The following LRRC7 variants were observed in gnomAD, a reference collection of about 807,000 sequenced individuals.
LRRC7 encodes the protein leucine rich repeat containing 7.
A neutral mutation model predicts 175.7 loss-of-function variants in LRRC7; 23 were observed. That is an observed-to-expected ratio of 0.13 (90% confidence interval 0.09 to 0.19). The LOEUF (loss-of-function observed/expected upper bound fraction) is 0.19, where lower values mean the gene tolerates loss of function less well. LRRC7 is among the 10% of genes least tolerant of loss of function. The pLI is 1.00. For synonymous variants in LRRC7, 685 were observed against 680.9 expected (o/e 1.01, Z -0.09); for missense variants, 1,354 against 1,904.7 (o/e 0.71, Z 5.38).
Position 70,023,336 on chromosome 1 carries a change from G to A in LRRC7, c.1756G>A (p.Ala586Thr). 6.2e-7 allele frequency: 1 copy of A among 1,610,928 alleles called. No individual in the cohort carries two copies. ...CATGTGTACTCCATTGCCAGTTGCA[G>A]CACAATCCACCACTCTTCCCTCTCT... ...RSMCTPLPVA[A>T]QSTTLPSLSG... Residue 586 changes from alanine to threonine, a missense_variant, in exon 17 of 27, where the codon GCA (alanine) becomes ACA (threonine). Physicochemically the swap from Ala to Thr is moderately conservative, Grantham distance 58. This residue lies in a region of LRRC7 where 1,032 missense variants were observed against 1,227.2 expected (regional missense o/e 0.84). Transcript: ENST00000651989.
rs554659533 is a variant in LRRC7 at position 70,075,950 on chromosome 1, T to G, written c.4231-127T>G. 5.2e-4 allele frequency: 464 copies of G among 893,206 alleles called. 13 individuals are homozygous for G. The highest frequency in any genetic ancestry group is 4.4e-3 in the South Asian group (265 of 60,030). 55.3% of individuals were successfully genotyped at this position (893,206 alleles called of 1,614,324 possible). On this transcript the variant is annotated intron_variant, in intron 23 of 26. Transcript: ENST00000651989. ...GACCCTTACTGTTTCTTCATTATCC[T>G]TTCTGGCCATGGCTGAGAGCCCAAA...
intron 8 of LRRC7, among the ~76,000 whole-genome samples, chr1:69,940,243 A>C (rs1221871403): frequency 6.6e-6 from 1 of 152,128 alleles, no homozygotes; most frequent in Non-Finnish European, 1.5e-5. Context: ...AGCAGACTCC[A>C]CTGTCATACA....
intron 18 of LRRC7, among the ~76,000 whole-genome samples, chr1:70,034,233 C>T (rs1490035223): frequency 6.6e-6 from 1 of 152,058 alleles, no homozygotes; most frequent in South Asian, 2.1e-4. Flanking sequence ...CCTTCTGTCA[C>T]CTTAAAACTG....
At chr1:69,659,103 T>G (rs1364643123) in intron 1 of LRRC7, among the ~76,000 whole-genome samples, 1 of 151,966 alleles carries the variant, frequency 6.6e-6, no homozygotes, top group East Asian at 1.9e-4. Context: ...GGAGGCAGGT[T>G]GGGAAATAAA....
In LRRC7 at chr1:69,782,037, G is replaced by A. The variant is rs943216831; in HGVS notation, c.304-10006G>A. Among the ~76,000 whole-genome samples, 5 of 152,112 alleles carry A rather than the reference G, an allele frequency of 3.3e-5. No homozygotes were observed. In the East Asian group the frequency reaches 9.7e-4, roughly 29 times the overall value. ...TGAATCTTAGCTCTGGCACTTGCTAGCAATATGACCTTGTAAAAGTTACCT... is the reference window on the plus strand; with the variant it reads ...TGAATCTTAGCTCTGGCACTTGCTAACAATATGACCTTGTAAAAGTTACCT... On this transcript the variant is annotated intron_variant, in intron 3 of 26. Coordinates refer to ENST00000651989, the MANE Select transcript of LRRC7 (RefSeq NM_001370785.2).
At chr1:69,772,965 G>T (rs1293924543) in intron 3 of LRRC7, among the ~76,000 whole-genome samples, 1 of 152,184 alleles carries the variant, frequency 6.6e-6, no homozygotes, top group Non-Finnish European at 1.5e-5. Context: ...TACGGAAGTC[G>T]TTGGTTACCT....
intron 8 of LRRC7, among the ~76,000 whole-genome samples, chr1:69,979,819 C>T (rs539117458): frequency 4.8e-4 from 73 of 151,712 alleles, no homozygotes; most frequent in Non-Finnish European, 8.8e-4. Flanking sequence ...TAGGTTGGTG[C>T]AAACATAATT....
intron 23 of LRRC7, among the ~76,000 whole-genome samples, chr1:70,071,146 G>T (rs542908177): frequency 1.3e-5 from 2 of 152,176 alleles, no homozygotes; most frequent in Non-Finnish European, 2.9e-5. Flanking sequence ...TTGTTAGACA[G>T]CATCTTTCCT....
At chr1:69,936,490 A>C (rs1284611357) in intron 8 of LRRC7, among the ~76,000 whole-genome samples, 3 of 152,178 alleles carry the variant, frequency 2.0e-5, no homozygotes, top group Non-Finnish European at 2.9e-5. Context: ...TAAGTACATT[A>C]TTTTTAAATT....
chr1:69,641,636 A>T (rs1335625751), intron 1 of LRRC7, among the ~76,000 whole-genome samples: 1 of 151,666 alleles, frequency 6.6e-6, no homozygotes, highest in African/African-American at 2.4e-5. Context: ...TACCACCTTT[A>T]ACCAAAATAA....
At chr1:69,940,893 C>A (rs1178288056) in intron 8 of LRRC7, among the ~76,000 whole-genome samples, 2 of 151,832 alleles carry the variant, frequency 1.3e-5, no homozygotes. Flanking sequence ...TCAGGTTTCA[C>A]AACAAACCAA....
chr1:70,049,106 A>G (rs1214864315), intron 22 of LRRC7, among the ~76,000 whole-genome samples: 1 of 152,164 alleles, frequency 6.6e-6, no homozygotes, highest in East Asian at 1.9e-4. Flanking sequence ...TAAATTAATT[A>G]TAATTTCAGG....
At chr1:69,708,947 T>A (rs954840067) in intron 2 of LRRC7, among the ~76,000 whole-genome samples, 2 of 152,160 alleles carry the variant, frequency 1.3e-5, no homozygotes, top group Admixed American at 6.5e-5. Flanking sequence ...CCAACCAACA[T>A]CACTGGTATA....
chr1:69,596,387 T>C (rs1646846224), intron 1 of LRRC7, among the ~76,000 whole-genome samples: 1 of 152,168 alleles, frequency 6.6e-6, no homozygotes, highest in South Asian at 2.1e-4. Flanking sequence ...CATAATGTAA[T>C]GTCCCTGTGC....
chr1:69,888,926 AT>A (rs563469408), intron 7 of LRRC7, among the ~76,000 whole-genome samples: 233 of 152,302 alleles, frequency 1.5e-3, no homozygotes, highest in African/African-American at 5.3e-3. Context: ...TACCTCAGAG[AT>A]ATTGCAGACT....
chr1:70,063,513 G>A (rs562532954), intron 23 of LRRC7, among the ~76,000 whole-genome samples: 3 of 152,144 alleles, frequency 2.0e-5, no homozygotes, highest in Admixed American at 1.3e-4. Flanking sequence ...ACTCCTGGGG[G>A]TTCTTCACTG....
chr1:69,624,549 G>A (rs188134953), intron 1 of LRRC7, among the ~76,000 whole-genome samples: 1 of 151,788 alleles, frequency 6.6e-6, no homozygotes, highest in East Asian at 1.9e-4. Flanking sequence ...CAGTGGGGTA[G>A]GCTTTTTGTA....
chr1:69,782,580 A>G (rs1369559463), intron 3 of LRRC7, among the ~76,000 whole-genome samples: 2 of 152,192 alleles, frequency 1.3e-5, no homozygotes, highest in African/African-American at 4.8e-5. Context: ...GTGGTAATGC[A>G]GGACAGCAGA....
chr1:69,804,392 C>T (rs920649077), intron 4 of LRRC7, among the ~76,000 whole-genome samples: 1 of 151,242 alleles, frequency 6.6e-6, no homozygotes, highest in Non-Finnish European at 1.5e-5. Context: ...ATTGAGAGTA[C>T]CCAATACTTG....
Sources: allele counts gnomAD v4.1 joint callset (sites outside exome capture counted in the v4.1 genomes callset), GRCh38; gene constraint gnomAD v4.1.1; regional missense constraint gnomAD v4.1.1; transcripts MANE v1.5; gene names NCBI Gene and HGNC (gene_info 2026-07-23, HGNC 2026-07-21).